Variants in ZNF729 observed in about 807,000 individuals in gnomAD.
The protein encoded by ZNF729 is zinc finger protein 729.
Under a neutral mutation model 12.2 loss-of-function variants are expected in ZNF729, and 15 were observed. The observed-to-expected ratio is 1.23, with a 90% confidence interval of 0.82 to 1.89. ZNF729 has a LOEUF of 1.89. ZNF729 is among the 40% of genes most tolerant of loss of function. The pLI is 0.00. For missense variants in ZNF729, 1,540 were observed against 1,456.7 expected (o/e 1.06, Z -0.93); for synonymous variants, 492 against 476.3 (o/e 1.03, Z -0.43).
chr19:22,304,103 A>G (rs1289142606), intron 2 of ZNF729, among the ~76,000 whole-genome samples: 2 of 150,066 alleles, frequency 1.3e-5, no homozygotes, highest in Non-Finnish European at 1.5e-5. Flanking sequence ...CAGTGGTGCA[A>G]TCTCAGCTCA....
intron 1 of ZNF729, among the ~76,000 whole-genome samples, chr19:22,297,514 A>G (rs942685711): frequency 2.0e-5 from 3 of 151,988 alleles, no homozygotes; most frequent in Admixed American, 1.3e-4. Context: ...TTTAGATTTT[A>G]TGTAGATATT....
intron 2 of ZNF729, 74 bp downstream of exon 2, chr19:22,303,958 T>C: frequency 7.0e-7 from 1 of 1,438,766 alleles, no homozygotes; most frequent in Non-Finnish European, 9.3e-7. Flanking sequence ...AGAATGTGTT[T>C]TGGTGATTTA....
At chr19:22,301,526 C>T (rs1968304508) in intron 1 of ZNF729, among the ~76,000 whole-genome samples, 1 of 152,282 alleles carries the variant, frequency 6.6e-6, no homozygotes, top group Non-Finnish European at 1.5e-5. Context: ...TGGCCTCTGC[C>T]TAAGATTTAC....
At position 22,313,932 on chromosome 19, in the gene ZNF729, T is replaced by A; in HGVS notation, c.515T>A (p.Val172Asp). 10 of 1,533,214 alleles carry A rather than the reference T, an allele frequency of 6.5e-6. No individual in the cohort carries two copies. Among genetic ancestry groups the A allele is most frequent in the Non-Finnish European group, 8.8e-6 (10 of 1,141,494 alleles). 95.0% of individuals were successfully genotyped at this position (1,533,214 alleles called of 1,614,324 possible). ...CATAAATATTCAAATAGAAATAAGG[T>A]TAGACACACTAAAAAGAAAACTTTC... ...VFHKYSNRNK[V>D]RHTKKKTFKC... Residue 172 changes from valine to aspartate, a missense_variant, in exon 4 of 4, where the codon GTT becomes GAT. Val to Asp is a radical substitution (Grantham distance 152). Transcript: ENST00000601693.
rs556351936 is a variant in ZNF729, at chr19:22,313,932, T to G, written c.515T>G (p.Val172Gly). 3.9e-6 allele frequency: 6 copies of G among 1,533,214 alleles called. No homozygotes were observed. In the East Asian group the frequency reaches 7.3e-5, roughly 19 times the overall value. The allele number at this position is 1,533,214 out of a possible 1,614,324, so 95.0% of individuals were successfully genotyped here. The change falls in exon 4 of 4, where the codon GTT becomes GGT. Residue 172 changes from valine (V) to glycine (G), a missense_variant. Val to Gly is a moderately radical substitution (Grantham distance 109). Transcript: ENST00000601693. Reference protein sequence around the residue: ...VFHKYSNRNKVRHTKKKTFKC... With the variant: ...VFHKYSNRNKGRHTKKKTFKC... Reference sequence around the variant, plus strand: ...CATAAATATTCAAATAGAAATAAGGTTAGACACACTAAAAAGAAAACTTTC... The same window carrying G: ...CATAAATATTCAAATAGAAATAAGGGTAGACACACTAAAAAGAAAACTTTC...
In ZNF729 at chr19:22,315,511, C is replaced by A. The variant is rs777342958; in HGVS notation, c.2094C>A (p.Ala698=). The change falls in exon 4 of 4, where the codon GCC becomes GCA. Residue 698 remains alanine, a synonymous_variant. Coordinates refer to ENST00000601693, the MANE Select transcript of ZNF729 (RefSeq NM_001242680.2). ...ECGKAFSHFS[A]LRRHKIIHTG... is the part of the protein sequence containing the mutation. The stretch of plus-strand genomic sequence containing the variant: ...GCAAAGCTTTTAGCCATTTCTCAGC[C>A]CTTAGAAGACATAAGATAATTCATA... The A allele has an allele frequency of 6.2e-7, 1 of 1,610,746 alleles. No homozygotes were observed. Among genetic ancestry groups the A allele is most frequent in the Non-Finnish European group, 8.5e-7 (1 of 1,179,444 alleles).
At chr19:22,308,986 A>T (rs572243657) in intron 3 of ZNF729, among the ~76,000 whole-genome samples, 1 of 152,212 alleles carries the variant, frequency 6.6e-6, no homozygotes, top group African/African-American at 2.4e-5. Flanking sequence ...GGCTAAGCCA[A>T]TGTCTGAAAG....
At position 22,315,622 on chromosome 19, in the gene ZNF729, T is replaced by G; in HGVS notation, c.2205T>G (p.Thr735=). ...TTACTGTACATAAGGTAATTCATACTGCAGAGAAACCCTGCAAATGTGAAG... is the reference window on the plus strand; with the variant it reads ...TTACTGTACATAAGGTAATTCATACGGCAGAGAAACCCTGCAAATGTGAAG... ...SKLTVHKVIH[T]AEKPCKCEEC... is the part of the protein sequence containing the mutation. Residue 735 remains threonine, a synonymous_variant, in exon 4 of 4, where the codon ACT becomes ACG. Coordinates refer to ENST00000601693, the MANE Select transcript of ZNF729 (RefSeq NM_001242680.2). 6.2e-7 allele frequency: 1 copy of G among 1,609,120 alleles called. No individual in the cohort carries two copies. Among genetic ancestry groups the G allele is most frequent in the Non-Finnish European group, 8.5e-7 (1 of 1,179,138 alleles).
At chr19:22,313,110 GCA>G (rs1237340844) in intron 3 of ZNF729, among the ~76,000 whole-genome samples, 7 of 151,246 alleles carry the variant, frequency 4.6e-5, no homozygotes, top group Admixed American at 3.9e-4. Flanking sequence ...GGGCTGGAGT[GCA>G]CTAGCATAAT....
intron 3 of ZNF729, among the ~76,000 whole-genome samples, chr19:22,312,107 G>A (rs1023818075): frequency 6.6e-6 from 1 of 151,890 alleles, no homozygotes; most frequent in Non-Finnish European, 1.5e-5. Flanking sequence ...AGGGGAAGAG[G>A]TATCCTCATT....
At chr19:22,298,538 A>T (rs1021220008) in intron 1 of ZNF729, among the ~76,000 whole-genome samples, 6 of 151,336 alleles carry the variant, frequency 4.0e-5, no homozygotes, top group Admixed American at 3.9e-4. Flanking sequence ...TTTGAGACAG[A>T]GTTTCGCTCT....
intron 1 of ZNF729, among the ~76,000 whole-genome samples, chr19:22,297,794 A>G (rs1487795419): frequency 2.6e-5 from 4 of 151,966 alleles, no homozygotes; most frequent in African/African-American, 7.2e-5. Flanking sequence ...ACCTGAGGTC[A>G]GGAATTTGAG....
chr19:22,314,377 C>T lies in ZNF729; in HGVS notation c.960C>T (p.Tyr320=). ...HKVIHTAEKP[Y]KCEDCGKTFN... is the part of the protein sequence containing the mutation. Reference sequence around the variant, plus strand: ...TAATTCATACTGCAGAGAAACCCTACAAATGTGAAGATTGTGGCAAAACTT... The same window carrying T: ...TAATTCATACTGCAGAGAAACCCTATAAATGTGAAGATTGTGGCAAAACTT... The change falls in exon 4 of 4, where the codon TAC becomes TAT. Residue 320 remains tyrosine (Y), a synonymous_variant. Coordinates refer to ENST00000601693, the MANE Select transcript of ZNF729 (RefSeq NM_001242680.2). 1 of 1,593,858 alleles carries T rather than the reference C, an allele frequency of 6.3e-7. No individual in the cohort carries two copies. The highest frequency in any genetic ancestry group is 1.1e-5 in the South Asian group (1 of 89,260).
chr19:22,308,822 C>G (rs1796673607), intron 3 of ZNF729, among the ~76,000 whole-genome samples: 1 of 152,094 alleles, frequency 6.6e-6, no homozygotes, highest in Admixed American at 6.5e-5. Flanking sequence ...TGTGGGTTGT[C>G]TGTTCACTCT....
chr19:22,293,114 G>T (rs1968176622), intron 1 of ZNF729, among the ~76,000 whole-genome samples: 1 of 152,082 alleles, frequency 6.6e-6, no homozygotes, highest in Non-Finnish European at 1.5e-5. Flanking sequence ...CTAGTGATGA[G>T]TATTTTTTTC....
chr19:22,293,796 C>T (rs1237167468), intron 1 of ZNF729, among the ~76,000 whole-genome samples: 1 of 152,090 alleles, frequency 6.6e-6, no homozygotes, highest in Non-Finnish European at 1.5e-5. Flanking sequence ...GCCCAGCCAC[C>T]TTTTGTCTAC....
intron 1 of ZNF729, among the ~76,000 whole-genome samples, chr19:22,302,992 C>A (rs1221635938): frequency 6.6e-6 from 1 of 152,152 alleles, no homozygotes; most frequent in Non-Finnish European, 1.5e-5. Context: ...CCAGGCTGGT[C>A]TTGAGCTCCT....
At chr19:22,313,178 A>G (rs1263869267) in intron 3 of ZNF729, among the ~76,000 whole-genome samples, 2 of 152,026 alleles carry the variant, frequency 1.3e-5, no homozygotes, top group Non-Finnish European at 2.9e-5. Flanking sequence ...CAGCCTCCCA[A>G]GTAGTTGGGA....
intron 3 of ZNF729, among the ~76,000 whole-genome samples, chr19:22,307,469 C>T (rs1168150695): frequency 5.3e-5 from 8 of 150,464 alleles, no homozygotes; most frequent in Non-Finnish European, 1.0e-4. Flanking sequence ...TTCAGCCGGA[C>T]GCGGTGGCTT....
Sources: allele counts gnomAD v4.1 joint callset (sites outside exome capture counted in the v4.1 genomes callset), GRCh38; gene constraint gnomAD v4.1.1; transcripts MANE v1.5; gene names NCBI Gene and HGNC (gene_info 2026-07-23, HGNC 2026-07-21).